Variants in PIK3C3 observed in about 807,000 individuals in gnomAD.
PIK3C3 encodes the protein PI3-kinase type 3.
A neutral mutation model predicts 126.1 loss-of-function variants in PIK3C3; 95 were observed. That is an observed-to-expected ratio of 0.75 (90% CI 0.64 to 0.89). PIK3C3 has a LOEUF of 0.89. PIK3C3 is among the 40% of genes least tolerant of loss of function. PIK3C3 has a pLI of 0.00. For synonymous variants in PIK3C3, 374 were observed against 360.0 expected, an observed-to-expected ratio of 1.04 and a Z score of -0.44; for missense variants, 829 against 1,063.2, an observed-to-expected ratio of 0.78 and a Z score of 3.06.
At chr18:42,052,607 AT>A (rs1984854032) in intron 21 of PIK3C3, 1 of 152,180 alleles carries the variant, frequency 6.6e-6, no homozygotes, top group Non-Finnish European at 1.5e-5. Flanking sequence ...AGTTCTAACA[AT>A]TTATAATAAT....
chr18:41,959,322 A>G (rs745788595), intron 2 of PIK3C3, among the ~76,000 whole-genome samples: 7 of 152,168 alleles, frequency 4.6e-5, no homozygotes, highest in African/African-American at 1.7e-4. Context: ...CCATTTGCCA[A>G]CTCTTCTCTG....
intron 13 of PIK3C3, chr18:42,025,789 GTA>G (rs1983539589): frequency 6.6e-6 from 1 of 152,114 alleles, no homozygotes; most frequent in African/African-American, 2.4e-5. Context: ...AAATGAATAT[GTA>G]TTTATATTTG....
rs1277286503 is a variant in PIK3C3 at position 42,082,179 on chromosome 18, T to C, written c.*1042T>C. 3 of 152,224 alleles carry C rather than the reference T, an allele frequency of 2.0e-5. No homozygotes were observed. Among genetic ancestry groups the C allele is most frequent in the Non-Finnish European group, 4.4e-5 (3 of 68,046 alleles). The allele number at this position is 152,224 out of a possible 1,614,324, so 9.4% of individuals were successfully genotyped here. On this transcript the variant is annotated 3_prime_UTR_variant, in exon 25 of 25. Transcript: ENST00000262039. ...GGTAATAATCTTTTGCAACTTAATA[T>C]GTTACATAGTCATATGACTTGGTCT...
At position 42,085,016 on chromosome 18, in the gene PIK3C3, A is replaced by C. The variant is rs1986370443; in HGVS notation, c.*3879A>C. The C allele has an allele frequency of 6.6e-6, 1 of 152,222 alleles. No homozygotes were observed. The highest frequency in any genetic ancestry group is 1.5e-5 in the Non-Finnish European group (1 of 68,036). 9.4% of individuals were successfully genotyped at this position (152,222 alleles called of 1,614,324 possible). ...CTCTGTTACGCTGGTCATCCAACCC[A>C]ACCAGGTATCTCTTGTTATATGCTA... is the stretch of plus-strand genomic sequence containing the variant. On this transcript the variant is annotated 3_prime_UTR_variant, in exon 25 of 25. Transcript: ENST00000262039.
chr18:42,018,728 T>C (rs1264143696), intron 12 of PIK3C3, among the ~76,000 whole-genome samples: 1 of 152,138 alleles, frequency 6.6e-6, no homozygotes, highest in Non-Finnish European at 1.5e-5. Context: ...TGTTTGCTTT[T>C]CTCTGAACAT....
chr18:42,031,153 G>A (rs573039058), intron 15 of PIK3C3, among the ~76,000 whole-genome samples: 3 of 152,016 alleles, frequency 2.0e-5, no homozygotes, highest in Non-Finnish European at 4.4e-5. Context: ...ACCATTATTG[G>A]CATTAATACT....
intron 12 of PIK3C3, among the ~76,000 whole-genome samples, chr18:42,016,391 C>A (rs974885783): frequency 6.6e-6 from 1 of 152,080 alleles, no homozygotes; most frequent in African/African-American, 2.4e-5. Context: ...CTAAGTTTTC[C>A]CTTTCAGAGC....
At position 42,054,752 on chromosome 18, in the gene PIK3C3, A is replaced by G. The variant is rs72893457; in HGVS notation, c.2264-3131A>G. 9.0e-3 allele frequency among the ~76,000 whole-genome samples: 1,369 copies of G among 152,228 alleles called. 15 individuals are homozygous for G. The highest frequency in any genetic ancestry group is 0.034 in the Middle Eastern group (10 of 292). ...TGGGTAAGTTACATAATATGCCAGT[A>G]ACTCAGTCTCTTCTTCTGAATCTGT... On this transcript the variant is annotated intron_variant, in intron 21 of 24. Transcript: ENST00000262039.
chr18:42,044,843 T>A (rs1167603363), intron 20 of PIK3C3, among the ~76,000 whole-genome samples: 1 of 152,220 alleles, frequency 6.6e-6, no homozygotes, highest in African/African-American at 2.4e-5. Flanking sequence ...CTATTTTATA[T>A]AAGCGCTATA....
chr18:42,065,048 C>G (rs916700747), intron 23 of PIK3C3, among the ~76,000 whole-genome samples: 29 of 152,160 alleles, frequency 1.9e-4, no homozygotes, highest in Admixed American at 9.8e-4. Flanking sequence ...GCTTAAAGAA[C>G]TGAGCAGAGT....
intron 24 of PIK3C3, among the ~76,000 whole-genome samples, chr18:42,079,108 T>G (rs1222665174): frequency 1.3e-5 from 2 of 152,254 alleles, no homozygotes. Context: ...TCTTAACTTT[T>G]GGCCTATCTG....
rs771316315 is a variant in PIK3C3, at chr18:41,955,334, C to T, written c.43C>T (p.Leu15=). 1.2e-6 allele frequency: 2 copies of T among 1,613,464 alleles called. No homozygotes were observed. Among genetic ancestry groups the T allele is most frequent in the East Asian group, 2.2e-5 (1 of 44,824 alleles). Residue 15 remains leucine, a synonymous_variant, in exon 1 of 25, where the codon CTG becomes TTG. Transcript: ENST00000262039. ...EKFHYIYSCD[L]DINVQLKIGS... is the part of the protein sequence containing the mutation. ...GTTTCACTACATCTATAGTTGTGAC[C>T]TGGATATCAACGTCCAGCTTAAGAT...
intron 3 of PIK3C3, among the ~76,000 whole-genome samples, chr18:41,965,103 T>C (rs1010862270): frequency 6.6e-6 from 1 of 152,204 alleles, no homozygotes; most frequent in East Asian, 1.9e-4. Flanking sequence ...TATTTTTTGT[T>C]ACTAGGGAGG....
rs767594139 is a variant in PIK3C3, at chr18:41,990,560, T to A, written c.714+6T>A. On this transcript the variant is annotated splice_donor_region_variant and intron_variant, in intron 6 of 24. Coordinates refer to ENST00000262039, the MANE Select transcript of PIK3C3 (RefSeq NM_002647.4). ...GTATTGTTTATTATGAAAAGGTATT[T>A]CCCTTGGAACTGTTTTTGGTCTCTA... is the stretch of plus-strand genomic sequence containing the variant. 2 of 1,478,294 alleles carry A rather than the reference T, an allele frequency of 1.4e-6. No homozygotes were observed. Among genetic ancestry groups the A allele is most frequent in the Admixed American group, 3.4e-5 (2 of 58,900 alleles). The allele number at this position is 1,478,294 out of a possible 1,614,324, so 91.6% of individuals were successfully genotyped here.
At chr18:42,073,589 G>A (rs954116266) in intron 24 of PIK3C3, among the ~76,000 whole-genome samples, 5 of 152,130 alleles carry the variant, frequency 3.3e-5, no homozygotes, top group Admixed American at 3.3e-4. Flanking sequence ...GTTTCTAAGT[G>A]CAAACCAGTT....
chr18:42,010,641 C>T (rs1982780032), intron 10 of PIK3C3, among the ~76,000 whole-genome samples: 1 of 152,192 alleles, frequency 6.6e-6, no homozygotes, highest in Non-Finnish European at 1.5e-5. Context: ...GCTGGGATTA[C>T]AGGCACTGAA....
intron 4 of PIK3C3, among the ~76,000 whole-genome samples, chr18:41,985,564 G>A (rs1453349977): frequency 2.0e-5 from 3 of 152,100 alleles, no homozygotes; most frequent in East Asian, 1.9e-4. Flanking sequence ...GCATTTCATA[G>A]TGTGTGTGTA....
intron 12 of PIK3C3, among the ~76,000 whole-genome samples, chr18:42,018,005 T>C (rs368775435): frequency 1.3e-4 from 19 of 151,858 alleles, no homozygotes; most frequent in African/African-American, 4.6e-4. Context: ...ATAAATTACA[T>C]ATTCTTGCTT....
intron 16 of PIK3C3, among the ~76,000 whole-genome samples, chr18:42,036,463 A>G (rs1984055241): frequency 6.6e-6 from 1 of 150,912 alleles, no homozygotes; most frequent in African/African-American, 2.4e-5. Context: ...TTGGATTAAT[A>G]TATTTCTCCA....
Sources: allele counts gnomAD v4.1 joint callset (sites outside exome capture counted in the v4.1 genomes callset), GRCh38; gene constraint gnomAD v4.1.1; transcripts MANE v1.5; gene names NCBI Gene and HGNC (gene_info 2026-07-23, HGNC 2026-07-21).